GPN1: variants seen among roughly 807,000 people sequenced by gnomAD.
GPN1 encodes the protein ATP(GTP)-binding protein.
In GPN1, 44 loss-of-function variants were observed where a neutral mutation model predicts 55.9. The observed-to-expected ratio is 0.79, with a 90% confidence interval of 0.62 to 1.01. The LOEUF (loss-of-function observed/expected upper bound fraction) is 1.01. Ranked by LOEUF, GPN1 falls within the 50% of genes least tolerant of loss-of-function variation. GPN1 has a pLI of 0.00. For synonymous variants in GPN1, 179 were observed against 162.5 expected, an observed-to-expected ratio of 1.10 and a Z score of -0.77; for missense variants, 466 against 462.8, an observed-to-expected ratio of 1.01 and a Z score of -0.06.
At chr2:27,634,667 T>C (rs1039809110) in intron 5 of GPN1, among the ~76,000 whole-genome samples, 179 bp from the exon 6 acceptor site, 4 of 152,244 alleles carry the variant, frequency 2.6e-5, no homozygotes, top group Admixed American at 2.0e-4. Context: ...ATATTGGTCA[T>C]TGAACAAAGT....
intron 7 of GPN1, among the ~76,000 whole-genome samples, chr2:27,636,381 T>A (rs1388143774): frequency 6.6e-6 from 1 of 152,224 alleles, no homozygotes; most frequent in African/African-American, 2.4e-5. Context: ...ACATTTGTCT[T>A]TTCTGATATG....
At chr2:27,637,807 T>G (rs956868318) in intron 7 of GPN1, among the ~76,000 whole-genome samples, 2 of 152,190 alleles carry the variant, frequency 1.3e-5, no homozygotes, top group African/African-American at 4.8e-5. Context: ...ATTTTCAGAT[T>G]TGGGATGCTC....
intron 1 of GPN1, chr2:27,629,529 C>T (rs900310351): frequency 9.3e-6 from 8 of 863,610 alleles, no homozygotes; most frequent in South Asian, 1.4e-5. Flanking sequence ...GCACGCCTGT[C>T]ATGTTCCATT....
chr2:27,633,724 G>A (rs979272519), intron 5 of GPN1, among the ~76,000 whole-genome samples: 7 of 151,244 alleles, frequency 4.6e-5, no homozygotes, highest in African/African-American at 1.5e-4. Context: ...TGATCTGCCC[G>A]GCTTAACCTC....
intron 1 of GPN1, chr2:27,629,591 A>G: frequency 1.5e-6 from 1 of 655,824 alleles, no homozygotes; most frequent in East Asian, 2.7e-5. Context: ...GTGGGGCCAA[A>G]TATTTAATGG....
At position 27,635,125 on chromosome 2, in the gene GPN1, T is replaced by C. The variant is rs4666009; in HGVS notation, c.430-15T>C. ...GAGCCCTCTGACCAAGGCTTTGATT[T>C]TTTTGTGGCTTTAGGCATCCTCATT... On this transcript the variant is annotated splice_polypyrimidine_tract_variant and intron_variant, in intron 6 of 13. Transcript: ENST00000610189. 3 of 1,488,770 alleles carry C rather than the reference T, an allele frequency of 2.0e-6. No homozygotes were observed. In the Admixed American group the frequency reaches 5.2e-5, roughly 26 times the overall value. 92.2% of individuals were successfully genotyped at this position (1,488,770 alleles called of 1,614,324 possible). A position where few individuals can be genotyped will look rare whatever the true frequency, so the allele number is the denominator to read the frequency against.
intron 13 of GPN1, among the ~76,000 whole-genome samples, chr2:27,648,233 G>T (rs1161735520): frequency 1.3e-5 from 2 of 152,148 alleles, no homozygotes; most frequent in Non-Finnish European, 2.9e-5. Flanking sequence ...TTAAGAATAT[G>T]TAAGGGCTGG....
Position 27,651,466 on chromosome 2 carries a change from T to C in GPN1, c.*1266T>C, listed in dbSNP as rs1214959997. 1.3e-5 allele frequency: 2 copies of C among 152,402 alleles called. No homozygotes were observed. Among genetic ancestry groups the C allele is most frequent in the African/African-American group, 2.4e-5 (1 of 41,464 alleles). 9.4% of individuals were successfully genotyped at this position (152,402 alleles called of 1,614,324 possible). ...CGTCTTGACCATCTGGTGCCTGTTA[T>C]GCAGTTTAACATTCTGCAGCAATAA... is the stretch of plus-strand genomic sequence containing the variant. On this transcript the variant is annotated 3_prime_UTR_variant, in exon 14 of 14. Coordinates refer to ENST00000610189, the MANE Select transcript of GPN1 (RefSeq NM_007266.4).
upstream of GPN1, chr2:27,628,440 T>G (rs766239783): frequency 6.4e-7 from 1 of 1,551,552 alleles, no homozygotes; most frequent in South Asian, 1.2e-5. Context: ...AACTGTGTAG[T>G]TCACTGAGGG....
intron 12 of GPN1, among the ~76,000 whole-genome samples, chr2:27,644,915 G>A (rs1012979803): frequency 6.6e-6 from 1 of 151,910 alleles, no homozygotes; most frequent in Non-Finnish European, 1.5e-5. Flanking sequence ...TCTAAATGTA[G>A]TAAAGTTCCA....
chr2:27,648,451 T>G (rs1410970665), intron 13 of GPN1, among the ~76,000 whole-genome samples: 1 of 152,088 alleles, frequency 6.6e-6, no homozygotes, highest in African/African-American at 2.4e-5. Flanking sequence ...CCCAGAAGTT[T>G]GAGGCTATTA....
upstream of GPN1, chr2:27,628,794 C>T: frequency 6.6e-7 from 1 of 1,513,196 alleles, no homozygotes; most frequent in Non-Finnish European, 8.9e-7. Context: ...GAGACAAAAG[C>T]CCTCCCAGGC....
chr2:27,635,298 C>CTATTTT, intron 7 of GPN1, 64 bp downstream of exon 7: 2 of 445,268 alleles, frequency 4.5e-6, no homozygotes, highest in Non-Finnish European at 7.3e-6. Context: ...CTTCTTCTTC[C>CTATTTT]TCTTTTTTTT....
At chr2:27,628,395 C>A (rs1474283490), upstream of GPN1, 2 of 1,550,866 alleles carry the variant, frequency 1.3e-6, no homozygotes, top group African/African-American at 1.4e-5. Flanking sequence ...CCTACTTGCA[C>A]CTGGAATCCA....
chr2:27,629,199 G>C (rs377102405), intron 1 of GPN1, 30 bp downstream of exon 1: 42 of 1,607,926 alleles, frequency 2.6e-5, no homozygotes, highest in Non-Finnish European at 3.6e-5. Flanking sequence ...TGTAGTAGGG[G>C]AGCGCAAAAG....
chr2:27,641,147 TGTCA>T (rs1355407479), intron 10 of GPN1, 89 bp from the exon 11 acceptor site: 7 of 787,028 alleles, frequency 8.9e-6, no homozygotes, highest in Non-Finnish European at 1.5e-5. Flanking sequence ...GTTTTATTAT[TGTCA>T]GTCTTAGGAA....
chr2:27,635,783 C>T (rs1308918800), intron 7 of GPN1, among the ~76,000 whole-genome samples: 1 of 151,940 alleles, frequency 6.6e-6, no homozygotes, highest in Non-Finnish European at 1.5e-5. Flanking sequence ...TGCCACTGCA[C>T]TCCGGCTTGG....
At chr2:27,641,331 G>T (rs1673941544) in intron 11 of GPN1, 52 bp downstream of exon 11, 1 of 1,276,436 alleles carries the variant, frequency 7.8e-7, no homozygotes, top group East Asian at 2.3e-5. Context: ...AAAAAACCCA[G>T]CTCAATCTTG....
intron 12 of GPN1, among the ~76,000 whole-genome samples, chr2:27,644,882 C>G: frequency 6.6e-6 from 1 of 151,832 alleles, no homozygotes; most frequent in Admixed American, 6.6e-5. Context: ...GTATAATGTT[C>G]CAGACCAGCC....
Sources: allele counts gnomAD v4.1 joint callset (sites outside exome capture counted in the v4.1 genomes callset), GRCh38; gene constraint gnomAD v4.1.1; transcripts MANE v1.5; gene names NCBI Gene and HGNC (gene_info 2026-07-23, HGNC 2026-07-21).